The following ANKRD30B variants were observed in gnomAD, a reference collection of about 807,000 sequenced individuals.
The protein encoded by ANKRD30B is ankyrin repeat domain-containing protein 30B.
In ANKRD30B, 144 loss-of-function variants were observed where a neutral mutation model predicts 202.2. That is an observed-to-expected ratio of 0.71 (90% CI 0.62 to 0.82). ANKRD30B has a LOEUF of 0.82. ANKRD30B is among the 40% of genes least tolerant of loss of function. ANKRD30B has a pLI of 0.00. For synonymous variants in ANKRD30B, 508 were observed against 561.3 expected, an observed-to-expected ratio of 0.91 and a Z score of 1.34; for missense variants, 1,487 against 1,669.1, an observed-to-expected ratio of 0.89 and a Z score of 1.90.
Position 14,748,274 on chromosome 18 carries a change from T to C in ANKRD30B, c.-146T>C, listed in dbSNP as rs1912788955. Reference sequence around the variant, plus strand: ...GGCGATACAGAAATTTCTGCTGGTGTTGGGGCGGGTGCGGGAACTGAAGAC... The same window carrying C: ...GGCGATACAGAAATTTCTGCTGGTGCTGGGGCGGGTGCGGGAACTGAAGAC... On this transcript the variant is annotated 5_prime_UTR_variant, in exon 1 of 44. Coordinates refer to ENST00000690538, the MANE Select transcript of ANKRD30B (RefSeq NM_001367607.2). 1 of 598,338 alleles carries C rather than the reference T, an allele frequency of 1.7e-6. No homozygotes were observed. Among genetic ancestry groups the C allele is most frequent in the East Asian group, 3.0e-5 (1 of 33,852 alleles). 37.1% of individuals were successfully genotyped at this position (598,338 alleles called of 1,614,324 possible).
At chr18:14,765,045 G>T (rs1427413400) in intron 7 of ANKRD30B, among the ~76,000 whole-genome samples, 4 of 152,184 alleles carry the variant, frequency 2.6e-5, no homozygotes, top group Admixed American at 6.5e-5. Flanking sequence ...AATGTTTTCT[G>T]CAGGGATTCA....
At chr18:14,753,902 T>G (rs1395205453) in intron 3 of ANKRD30B, among the ~76,000 whole-genome samples, 2 of 152,150 alleles carry the variant, frequency 1.3e-5, no homozygotes, top group Non-Finnish European at 2.9e-5. Context: ...GTAAGCCATT[T>G]TATTCATATT....
chr18:14,892,671 T>C, the ANKRD30B span, among the ~76,000 whole-genome samples: 121,889 of 129,070 alleles, frequency 0.94, 57,518 homozygotes, highest in Non-Finnish European at 0.98. Context: ...ACCCAGAAGG[T>C]GGAGGCTGCA....
At chr18:14,798,830 C>A (rs1969111207) in intron 20 of ANKRD30B, among the ~76,000 whole-genome samples, 1 of 152,128 alleles carries the variant, frequency 6.6e-6, no homozygotes, top group African/African-American at 2.4e-5. Context: ...GCAGTCCAAC[C>A]TGGCATTGTC....
At chr18:14,779,213 T>C (rs1967568478) in intron 10 of ANKRD30B, among the ~76,000 whole-genome samples, 1 of 152,192 alleles carries the variant, frequency 6.6e-6, no homozygotes, top group Non-Finnish European at 1.5e-5. Context: ...TTCTGCCTCA[T>C]GGCTCTCAGT....
chr18:14,877,095 C>A, the ANKRD30B span, among the ~76,000 whole-genome samples: 1 of 152,202 alleles, frequency 6.6e-6, no homozygotes, highest in East Asian at 1.9e-4. Context: ...ATGTCTCAAT[C>A]GTGAGCACCA....
At position 14,757,856 on chromosome 18, in the gene ANKRD30B, T is replaced by C. The variant is rs758944365; in HGVS notation, c.659T>C (p.Ile220Thr). Residue 220 changes from isoleucine (I) to threonine (T), a missense_variant, in exon 5 of 44, where the codon ATA (isoleucine) becomes ACA (threonine). By Grantham distance (89) the Ile-to-Thr change is moderately conservative. Transcript: ENST00000690538. ...GCCATATGTGAAGGCTCATCAGAGATAGTCGGCATGCTTCTTCAGCAAAAT... is the reference window on the plus strand; with the variant it reads ...GCCATATGTGAAGGCTCATCAGAGACAGTCGGCATGCTTCTTCAGCAAAAT... Reference protein sequence around the residue: ...MLAICEGSSEIVGMLLQQNVD... With the variant: ...MLAICEGSSETVGMLLQQNVD... The C allele has an allele frequency of 6.2e-7, 1 of 1,613,776 alleles. No individual in the cohort carries two copies. The highest frequency in any genetic ancestry group is 2.2e-5 in the East Asian group (1 of 44,878).
At chr18:14,787,188 C>T (rs1228439500) in intron 15 of ANKRD30B, 88 bp downstream of exon 15, 3 of 1,150,510 alleles carry the variant, frequency 2.6e-6, no homozygotes, top group African/African-American at 3.2e-5. Flanking sequence ...TTTCTCACCT[C>T]TGCATATGTC....
At chr18:14,867,494 T>C in the ANKRD30B span, among the ~76,000 whole-genome samples, 2 of 152,058 alleles carry the variant, frequency 1.3e-5, no homozygotes, top group African/African-American at 4.8e-5. Flanking sequence ...GCACAGAGTT[T>C]TCACGGCAAT....
intron 15 of ANKRD30B, 44 bp from the exon 16 acceptor site, chr18:14,791,357 A>G: frequency 6.7e-7 from 1 of 1,499,598 alleles, no homozygotes; most frequent in Non-Finnish European, 9.1e-7. Context: ...CTTCATTACT[A>G]GGATTTTTTC....
intron 9 of ANKRD30B, among the ~76,000 whole-genome samples, chr18:14,773,901 G>A (rs961392662): frequency 6.6e-6 from 1 of 152,024 alleles, no homozygotes; most frequent in Non-Finnish European, 1.5e-5. Context: ...TGATCCGCCC[G>A]CCTTGGCCTC....
At position 14,759,914 on chromosome 18, in the gene ANKRD30B, T is replaced by C. The variant is rs1042455627; in HGVS notation, c.756-640T>C. Among the ~76,000 whole-genome samples, 7 of 152,078 alleles carry C rather than the reference T, an allele frequency of 4.6e-5. No individual in the cohort carries two copies. The South Asian group carries it at 6.2e-4, about 13-fold the overall frequency. On this transcript the variant is annotated intron_variant, in intron 5 of 43. Coordinates refer to ENST00000690538, the MANE Select transcript of ANKRD30B (RefSeq NM_001367607.2). ...AACACTTTTTTTAAAAAAATTAAATTTATTTTTTGTAGAGACAGGGTCTCC... is the reference window on the plus strand; with the variant it reads ...AACACTTTTTTTAAAAAAATTAAATCTATTTTTTGTAGAGACAGGGTCTCC...
At chr18:14,899,034 C>G in the ANKRD30B span, among the ~76,000 whole-genome samples, 1 of 151,976 alleles carries the variant, frequency 6.6e-6, no homozygotes, top group Non-Finnish European at 1.5e-5. Context: ...AGACCATAAA[C>G]GTATTTTACA....
chr18:14,922,419 G>C, the ANKRD30B span, among the ~76,000 whole-genome samples: 1 of 152,222 alleles, frequency 6.6e-6, no homozygotes, highest in South Asian at 2.1e-4. Flanking sequence ...ACTTTGGGAG[G>C]CCGAGGCAGG....
chr18:14,906,415 AAT>A, the ANKRD30B span, among the ~76,000 whole-genome samples: 2 of 152,182 alleles, frequency 1.3e-5, no homozygotes, highest in Non-Finnish European at 2.9e-5. Flanking sequence ...AGATGAATAT[AAT>A]ATGAGTGATT....
At chr18:14,790,515 T>G (rs9957903) in intron 15 of ANKRD30B, among the ~76,000 whole-genome samples, 1 of 152,198 alleles carries the variant, frequency 6.6e-6, no homozygotes, top group African/African-American at 2.4e-5. Flanking sequence ...AGTATGATAT[T>G]GGCTGTGGGT....
In ANKRD30B at chr18:14,814,449, G is replaced by C. The variant is rs929869649; in HGVS notation, c.2551-172G>C. ...GGTAAGTTGATGTGGAGAGTGTTATGTGAGGTTTTCTATCAGAATGTTTTG... is the reference window on the plus strand; with the variant it reads ...GGTAAGTTGATGTGGAGAGTGTTATCTGAGGTTTTCTATCAGAATGTTTTG... On this transcript the variant is annotated intron_variant, in intron 29 of 43. Transcript: ENST00000690538. Among the ~76,000 whole-genome samples the C allele has an allele frequency of 9.4e-5, 8 of 85,036 alleles. 3 individuals are homozygous for C. Among genetic ancestry groups the C allele is most frequent in the African/African-American group, 1.8e-4 (3 of 16,736 alleles). 55.8% of individuals were successfully genotyped at this position (85,036 alleles called of 152,430 possible). A position where few individuals can be genotyped will look rare whatever the true frequency, so the allele number is the denominator to read the frequency against.
chr18:14,846,866 G>A (rs1338363327), intron 39 of ANKRD30B, among the ~76,000 whole-genome samples: 6 of 150,848 alleles, frequency 4.0e-5, no homozygotes, highest in Non-Finnish European at 8.9e-5. Context: ...TTGTATATCC[G>A]TTCTGACAAT....
intron 6 of ANKRD30B, among the ~76,000 whole-genome samples, chr18:14,760,858 C>T (rs1288626388): frequency 6.6e-6 from 1 of 151,892 alleles, no homozygotes; most frequent in East Asian, 1.9e-4. Context: ...AAAATATTAT[C>T]TGAAAAAATA....
Sources: gnomAD v4.1 joint callset for allele counts (sites outside exome capture counted in the v4.1 genomes callset) on GRCh38, gnomAD v4.1.1 for gene constraint, MANE v1.5 for transcripts, NCBI Gene and HGNC (gene_info 2026-07-23, HGNC 2026-07-21) for gene names.